The following PATJ variants were observed in gnomAD, a reference collection of about 807,000 sequenced individuals.
PATJ encodes PATJ crumbs cell polarity complex component.
PATJ carries 190 observed loss-of-function variants against 224.9 expected under a neutral mutation model. That is an observed-to-expected ratio of 0.84 (90% CI 0.75 to 0.95). The LOEUF (loss-of-function observed/expected upper bound fraction) is 0.95, where lower values mean the gene tolerates loss of function less well. PATJ is among the 40% of genes least tolerant of loss of function. The pLI, the probability that PATJ is intolerant of heterozygous loss-of-function variation, is 0.00. For synonymous variants in PATJ, 769 were observed against 820.3 expected (o/e 0.94, Z 1.07); for missense variants, 2,121 against 2,270.3 (o/e 0.93, Z 1.34).
chr1:61,903,173 A>G (rs549653401), intron 24 of PATJ, among the ~76,000 whole-genome samples: 41 of 152,346 alleles, frequency 2.7e-4, no homozygotes, highest in African/African-American at 9.1e-4. Context: ...TTCTGGCTTC[A>G]GGGGCAGGGA....
intron 28 of PATJ, among the ~76,000 whole-genome samples, chr1:61,994,314 G>C (rs1428266376): frequency 6.6e-6 from 1 of 152,166 alleles, no homozygotes; most frequent in African/African-American, 2.4e-5. Context: ...CAACCTCAGA[G>C]GGTAGTGTGG....
chr1:62,077,686 C>CAAAAAA lies in PATJ; in HGVS notation c.4126-1753_4126-1748dup, dbSNP rs11439364. Among the ~76,000 whole-genome samples the CAAAAAA allele has an allele frequency of 1.4e-3, 121 of 89,144 alleles. 2 individuals are homozygous for CAAAAAA. The highest frequency in any genetic ancestry group is 5.0e-3 in the African/African-American group (121 of 24,364). 58.5% of individuals were successfully genotyped at this position (89,144 alleles called of 152,430 possible). ...CTAGGTGACAGAGTGAGACCCTGTC[C>CAAAAAA]AAAAAAAAAAAAAAAAGAAGATGGT... On this transcript the variant is annotated intron_variant, in intron 31 of 43. Coordinates refer to ENST00000642238, the MANE Select transcript of PATJ (RefSeq NM_001350145.3).
At chr1:61,953,056 G>A (rs1334626403) in intron 27 of PATJ, among the ~76,000 whole-genome samples, 4 of 152,114 alleles carry the variant, frequency 2.6e-5, no homozygotes, top group Non-Finnish European at 5.9e-5. Context: ...TCAGCTCTTG[G>A]AAGTATTACC....
At chr1:61,905,733 T>G (rs906208743) in intron 24 of PATJ, among the ~76,000 whole-genome samples, 1 of 152,166 alleles carries the variant, frequency 6.6e-6, no homozygotes, top group African/African-American at 2.4e-5. Context: ...TGTAAGTTTC[T>G]CCATATTCTT....
chr1:61,847,760 G>A (rs1481977055), intron 17 of PATJ, among the ~76,000 whole-genome samples: 2 of 152,156 alleles, frequency 1.3e-5, no homozygotes, highest in African/African-American at 4.8e-5. Flanking sequence ...TCAGAAGACA[G>A]TCTTTTGAAA....
At chr1:61,804,768 T>C (rs576143591) in intron 12 of PATJ, among the ~76,000 whole-genome samples, 1 of 152,308 alleles carries the variant, frequency 6.6e-6, no homozygotes, top group African/African-American at 2.4e-5. Context: ...AAAATCTGTT[T>C]TGGCACTGTA....
At chr1:62,126,391 T>C (rs1665722341) in intron 39 of PATJ, among the ~76,000 whole-genome samples, 1 of 152,216 alleles carries the variant, frequency 6.6e-6, no homozygotes, top group Non-Finnish European at 1.5e-5. Context: ...ATTTGGTTTC[T>C]TTTTGTTTCA....
intron 35 of PATJ, 84 bp downstream of exon 35, chr1:62,114,330 G>A: frequency 1.7e-6 from 2 of 1,170,364 alleles, no homozygotes; most frequent in Non-Finnish European, 2.4e-6. Flanking sequence ...AAAGCCTAAT[G>A]TAAAGTAGTG....
chr1:61,802,668 A>G (rs572764379), intron 12 of PATJ, among the ~76,000 whole-genome samples: 1 of 152,156 alleles, frequency 6.6e-6, no homozygotes, highest in Non-Finnish European at 1.5e-5. Flanking sequence ...GTTTTTTATT[A>G]TAAAAATTAA....
chr1:62,114,068 C>T lies in PATJ; in HGVS notation c.4477C>T (p.Leu1493=). ...ATTGTTCCAGGTTAATGGGGTTGAC[C>T]TGAGGAACTCCAGCCACGAAGAAGC... ...DQILEVNGVD[L]RNSSHEEAIT... is the part of the protein sequence containing the mutation. The change falls in exon 35 of 44, where the codon CTG becomes TTG. Residue 1493 remains leucine (L), a synonymous_variant. Coordinates refer to ENST00000642238, the MANE Select transcript of PATJ (RefSeq NM_001350145.3). The T allele has an allele frequency of 1.2e-6, 2 of 1,614,040 alleles. No homozygotes were observed. The highest frequency in any genetic ancestry group is 1.7e-6 in the Non-Finnish European group (2 of 1,179,956).
chr1:62,034,835 G>T (rs1213782260), intron 29 of PATJ, among the ~76,000 whole-genome samples: 3 of 152,154 alleles, frequency 2.0e-5, no homozygotes, highest in South Asian at 2.1e-4. Flanking sequence ...TCATTAAATT[G>T]TGAAGGAATA....
intron 27 of PATJ, among the ~76,000 whole-genome samples, chr1:61,939,616 G>A (rs1482613733): frequency 2.0e-5 from 3 of 146,510 alleles, no homozygotes; most frequent in Non-Finnish European, 4.5e-5. Context: ...GTAGGAATAG[G>A]AATCATTTTA....
chr1:62,028,404 T>C lies in PATJ; in HGVS notation c.3960-9573T>C, dbSNP rs922311285. 3.3e-5 allele frequency among the ~76,000 whole-genome samples: 5 copies of C among 152,280 alleles called. No individual in the cohort carries two copies. The East Asian group carries it at 9.7e-4, about 29-fold the overall frequency. ...GACTTCATTCTTTTACATGTAGATA[T>C]CCAGTTTTTCCAGCACCATTTGTTG... On this transcript the variant is annotated intron_variant, in intron 29 of 43. Coordinates refer to ENST00000642238, the MANE Select transcript of PATJ (RefSeq NM_001350145.3).
intron 25 of PATJ, among the ~76,000 whole-genome samples, chr1:61,911,052 T>C (rs1029133458): frequency 6.6e-6 from 1 of 152,216 alleles, no homozygotes; most frequent in Non-Finnish European, 1.5e-5. Context: ...TAAGTCATTT[T>C]CTAATGTTGT....
At chr1:62,154,266 T>C (rs934908476) in intron 43 of PATJ, among the ~76,000 whole-genome samples, 2 of 152,194 alleles carry the variant, frequency 1.3e-5, no homozygotes, top group African/African-American at 4.8e-5. Flanking sequence ...TGAAGATCTC[T>C]GAGAAGTATT....
intron 22 of PATJ, among the ~76,000 whole-genome samples, chr1:61,898,762 C>G (rs1220209979): frequency 6.6e-6 from 1 of 152,168 alleles, no homozygotes; most frequent in African/African-American, 2.4e-5. Flanking sequence ...CTCCGTAACT[C>G]AGCATTTTAC....
At chr1:61,880,516 CT>C (rs373789492) in intron 21 of PATJ, among the ~76,000 whole-genome samples, 83 of 152,230 alleles carry the variant, frequency 5.5e-4, no homozygotes, top group African/African-American at 1.7e-3. Flanking sequence ...TGCATTAGAA[CT>C]TTTTTTCTTT....
At chr1:61,949,224 A>G (rs1679250610) in intron 27 of PATJ, among the ~76,000 whole-genome samples, 1 of 150,686 alleles carries the variant, frequency 6.6e-6, no homozygotes, top group Admixed American at 6.6e-5. Context: ...ATAAAAAAAA[A>G]GAAAAAAAAA....
At chr1:61,950,731 G>T (rs1450077950) in intron 27 of PATJ, among the ~76,000 whole-genome samples, 8 of 151,956 alleles carry the variant, frequency 5.3e-5, no homozygotes, top group Admixed American at 3.3e-4. Context: ...TTGTTTGTTT[G>T]TTTTTGGCAA....
Sources: allele counts gnomAD v4.1 joint callset (sites outside exome capture counted in the v4.1 genomes callset), GRCh38; gene constraint gnomAD v4.1.1; transcripts MANE v1.5; gene names NCBI Gene and HGNC (gene_info 2026-07-23, HGNC 2026-07-21).